PCSK6: variants seen among roughly 807,000 people sequenced by gnomAD.
The protein encoded by PCSK6 is proprotein convertase subtilisin/kexin type 6.
A neutral mutation model predicts 123.3 loss-of-function variants in PCSK6; 85 were observed. That is an observed-to-expected ratio of 0.69 (90% CI 0.58 to 0.83). The LOEUF is 0.83. Among genes scored for constraint, PCSK6 ranks in the 40% least tolerant of loss-of-function variants. The probability of loss-of-function intolerance (pLI) is 0.00; values close to 1 mark genes in which losing one functional copy is unlikely to be tolerated. For synonymous variants in PCSK6, 508 were observed against 516.0 expected, an observed-to-expected ratio of 0.98 and a Z score of 0.21; for missense variants, 1,191 against 1,282.3, an observed-to-expected ratio of 0.93 and a Z score of 1.09.
chr15:101,445,717 C>T (rs972518813), intron 1 of PCSK6, among the ~76,000 whole-genome samples: 28 of 152,230 alleles, frequency 1.8e-4, no homozygotes, highest in South Asian at 6.2e-4. Context: ...GGAGACGTTA[C>T]GTAACTTTTG....
intron 1 of PCSK6, 107 bp downstream of exon 1, chr15:101,489,265 ACG>A: frequency 4.5e-6 from 3 of 671,746 alleles, no homozygotes; most frequent in Non-Finnish European, 5.3e-6. Flanking sequence ...GAGCCTTCCC[ACG>A]CGCGCGCGGG....
At chr15:101,434,379 A>G (rs766347506) in intron 2 of PCSK6, among the ~76,000 whole-genome samples, 6 of 152,172 alleles carry the variant, frequency 3.9e-5, no homozygotes, top group Non-Finnish European at 7.4e-5. Flanking sequence ...TCAGAGGAGG[A>G]GGCACACTCT....
chr15:101,362,696 C>G (rs2141442906), intron 13 of PCSK6, among the ~76,000 whole-genome samples: 2 of 152,310 alleles, frequency 1.3e-5, no homozygotes, highest in Middle Eastern at 6.8e-3. Flanking sequence ...CCACCGCAAC[C>G]CAGTAACTTG....
At position 101,460,310 on chromosome 15, in the gene PCSK6, C is replaced by T. The variant is rs202100719; in HGVS notation, c.298-16650G>A. On this transcript the variant is annotated intron_variant, in intron 1 of 21. Transcript: ENST00000611716. ...CTTTTCCTGCCCTCTGGCCCTCTTT[C>T]GAGATGCCACACCATTCCCTGGCCT... Among the ~76,000 whole-genome samples, 134 of 152,310 alleles carry T rather than the reference C, an allele frequency of 8.8e-4. 4 individuals carry two copies. The East Asian group carries it at 0.021, about 24-fold the overall frequency.
chr15:101,400,270 T>C (rs2042548831), intron 6 of PCSK6, among the ~76,000 whole-genome samples: 1 of 152,210 alleles, frequency 6.6e-6, no homozygotes, highest in Non-Finnish European at 1.5e-5. Flanking sequence ...CTGAGCTTTA[T>C]ACAGGGCATT....
intron 15 of PCSK6, 66 bp downstream of exon 15, chr15:101,331,585 G>T: frequency 1.4e-6 from 2 of 1,463,072 alleles, no homozygotes; most frequent in South Asian, 1.2e-5. Context: ...TTCTGGTTGG[G>T]CATATAGACC....
intron 13 of PCSK6, among the ~76,000 whole-genome samples, chr15:101,362,172 G>GA (rs1191326754): frequency 3.3e-5 from 5 of 152,048 alleles, no homozygotes; most frequent in Non-Finnish European, 7.4e-5. Flanking sequence ...TGGCCAGGAT[G>GA]GTCTCGATCT....
chr15:101,403,034 A>G (rs1296773533), intron 6 of PCSK6, among the ~76,000 whole-genome samples: 2 of 152,108 alleles, frequency 1.3e-5, no homozygotes, highest in Non-Finnish European at 2.9e-5. Flanking sequence ...ATGTCCAACA[A>G]TGATAGACTG....
chr15:101,361,606 G>A (rs1294240858), intron 13 of PCSK6, among the ~76,000 whole-genome samples: 2 of 152,210 alleles, frequency 1.3e-5, no homozygotes, highest in African/African-American at 4.8e-5. Context: ...GGTCAATGAT[G>A]AGGCGCAGGA....
intron 2 of PCSK6, among the ~76,000 whole-genome samples, chr15:101,442,511 C>A (rs1013794836): frequency 1.3e-5 from 2 of 152,086 alleles, no homozygotes; most frequent in Non-Finnish European, 2.9e-5. Context: ...CCAGAGATAA[C>A]GCGTCTCTCC....
chr15:101,489,533 C>A lies in PCSK6; in HGVS notation c.138G>T (p.Pro46=). 9.9e-7 allele frequency: 1 copy of A among 1,007,542 alleles called. No homozygotes were observed. The highest frequency in any genetic ancestry group is 1.2e-6 in the Non-Finnish European group (1 of 846,970). The allele number at this position is 1,007,542 out of a possible 1,614,324, so 62.4% of individuals were successfully genotyped here. Residue 46 remains proline (P), a synonymous_variant, in exon 1 of 22, where the codon CCG becomes CCT. Coordinates refer to ENST00000611716, the MANE Select transcript of PCSK6 (RefSeq NM_002570.5). The stretch of plus-strand genomic sequence containing the variant: ...GCAGCAGCAGCCAGCGCCAGGGACG[C>A]GGCGCGAGCGGCCGGAACCCGGGCC... ...AGGPGFRPLA[P]RPWRWLLLLA...
chr15:101,363,943 T>C (rs1010671672), intron 13 of PCSK6, among the ~76,000 whole-genome samples: 7 of 152,254 alleles, frequency 4.6e-5, no homozygotes, highest in African/African-American at 1.4e-4. Context: ...CAGCCAACGC[T>C]TTCTTAAAAT....
rs186056336 is a variant in PCSK6 at position 101,411,287 on chromosome 15, G to A, written c.824-12711C>T. 1.2e-4 allele frequency among the ~76,000 whole-genome samples: 19 copies of A among 152,312 alleles called. No individual in the cohort carries two copies. In the East Asian group the frequency reaches 3.7e-3, roughly 29 times the overall value. On this transcript the variant is annotated intron_variant, in intron 6 of 21. Transcript: ENST00000611716. ...GGCCTCGGAGTAAGGAGCTAGGGTG[G>A]CAGGTCTCAGCCTCCAGGCTGAGTG...
At chr15:101,327,594 G>A (rs2040285232) in intron 15 of PCSK6, among the ~76,000 whole-genome samples, 1 of 152,224 alleles carries the variant, frequency 6.6e-6, no homozygotes, top group Admixed American at 6.5e-5. Context: ...AGGGGATGGG[G>A]AGTGAGCTCA....
At chr15:101,348,738 C>T (rs966787317) in intron 13 of PCSK6, among the ~76,000 whole-genome samples, 5 of 152,276 alleles carry the variant, frequency 3.3e-5, no homozygotes, top group South Asian at 2.1e-4. Context: ...CCATCACACA[C>T]GTGCAGAAAC....
intron 1 of PCSK6, among the ~76,000 whole-genome samples, chr15:101,488,896 CG>C (rs2058086301): frequency 6.6e-6 from 1 of 150,528 alleles, no homozygotes; most frequent in Non-Finnish European, 1.5e-5. Context: ...GCCGCCTTGG[CG>C]CGCGCACCGG....
intron 11 of PCSK6, among the ~76,000 whole-genome samples, chr15:101,379,492 A>G (rs1296795549): frequency 6.6e-6 from 1 of 152,202 alleles, no homozygotes; most frequent in African/African-American, 2.4e-5. Context: ...CACGCAGTGC[A>G]CACGGATGCA....
rs774483933 is a variant in PCSK6, at chr15:101,431,382, C to G, written c.595G>C (p.Val199Leu). ...CCATCATCAAGGATGGTGACCACCACGTTTTTTCCTGTGTAGCCCCTCTTC... is the reference window on the plus strand; with the variant it reads ...CCATCATCAAGGATGGTGACCACCAGGTTTTTTCCTGTGTAGCCCCTCTTC... ...AWKRGYTGKNVVVTILDDGIE... is the reference protein window; with the variant it reads ...AWKRGYTGKNLVVTILDDGIE... Residue 199 changes from valine (V) to leucine (L), a missense_variant, in exon 4 of 22, where the codon GTG becomes CTG. Val to Leu is a conservative substitution (Grantham distance 32). Transcript: ENST00000611716. 6.2e-7 allele frequency: 1 copy of G among 1,613,988 alleles called. No homozygotes were observed. Among genetic ancestry groups the G allele is most frequent in the South Asian group, 1.1e-5 (1 of 91,068 alleles).
intron 6 of PCSK6, 21 bp downstream of exon 6, chr15:101,427,871 G>C (rs1182908182): frequency 6.5e-7 from 1 of 1,537,636 alleles, no homozygotes; most frequent in Non-Finnish European, 8.8e-7. Context: ...TCGGCTCGCA[G>C]GCTGCCACGC....
Sources: allele counts gnomAD v4.1 joint callset (sites outside exome capture counted in the v4.1 genomes callset), GRCh38; gene constraint gnomAD v4.1.1; transcripts MANE v1.5; gene names NCBI Gene and HGNC (gene_info 2026-07-23, HGNC 2026-07-21).